SEC24B: variants seen among roughly 807,000 people sequenced by gnomAD.
SEC24B encodes the protein protein transport protein Sec24B.
A neutral mutation model predicts 142.8 loss-of-function variants in SEC24B; 45 were observed. That is an observed-to-expected ratio of 0.32 (90% confidence interval 0.25 to 0.40). SEC24B has a LOEUF of 0.40. Ranked by LOEUF, SEC24B falls within the 10% of genes least tolerant of loss-of-function variation. The pLI is 1.00. For missense variants in SEC24B, 1,409 were observed against 1,526.8 expected (o/e 0.92, Z 1.29); for synonymous variants, 574 against 568.2 (o/e 1.01, Z -0.15).
chr4:109,538,313 T>C (rs575385360), intron 22 of SEC24B, among the ~76,000 whole-genome samples, 180 bp from the exon 23 acceptor site: 41 of 152,352 alleles, frequency 2.7e-4, no homozygotes, highest in South Asian at 1.2e-3. Flanking sequence ...TTTATTGACT[T>C]ATCCAGAAAA....
At chr4:109,481,450 C>T (rs1397261363) in intron 3 of SEC24B, among the ~76,000 whole-genome samples, 1 of 152,146 alleles carries the variant, frequency 6.6e-6, no homozygotes, top group Admixed American at 6.6e-5. Flanking sequence ...ATGATAGATA[C>T]CTTTTCACAC....
chr4:109,509,474 G>A (rs1178389288), intron 7 of SEC24B, among the ~76,000 whole-genome samples: 3 of 152,036 alleles, frequency 2.0e-5, no homozygotes, highest in African/African-American at 4.8e-5. Context: ...TCAGGAGATC[G>A]AGACCATCCT....
intron 18 of SEC24B, among the ~76,000 whole-genome samples, chr4:109,528,809 C>G (rs66493839): frequency 0.1 from 15,172 of 152,232 alleles, 842 homozygotes; most frequent in Middle Eastern, 0.18. Context: ...GTTATTAATA[C>G]TAATTTGGGA....
In SEC24B at chr4:109,524,837, C is replaced by G; in HGVS notation, c.2528C>G (p.Pro843Arg). Residue 843 changes from proline to arginine, a missense_variant, in exon 15 of 24, where the codon CCT becomes CGT. Around this residue, in one of 2 missense-constraint regions of SEC24B, gnomAD observed 700 missense variants for 853.3 expected, o/e 0.82. Coordinates refer to ENST00000265175, the MANE Select transcript of SEC24B (RefSeq NM_006323.5). ...ACTTAGGTGGTACAACATCTTGGCCCTGCAACTGATTTTTATAAGAAACTT... is the reference window on the plus strand; with the variant it reads ...ACTTAGGTGGTACAACATCTTGGCCGTGCAACTGATTTTTATAAGAAACTT... ...SSTKVVQHLG[P>R]ATDFYKKLAL... The G allele has an allele frequency of 6.2e-7, 1 of 1,612,020 alleles. No individual in the cohort carries two copies. Among genetic ancestry groups the G allele is most frequent in the African/African-American group, 1.3e-5 (1 of 74,904 alleles).
In SEC24B at chr4:109,481,663, T is replaced by C; in HGVS notation, c.1061-14T>C. On this transcript the variant is annotated splice_polypyrimidine_tract_variant and intron_variant, in intron 3 of 23. Coordinates refer to ENST00000265175, the MANE Select transcript of SEC24B (RefSeq NM_006323.5). Reference sequence around the variant, plus strand: ...GTTGGTTTGACTCTTATGTTTGTGCTTTCCACTTTACAGGCGTGCAGTATG... The same window carrying C: ...GTTGGTTTGACTCTTATGTTTGTGCCTTCCACTTTACAGGCGTGCAGTATG... 1 of 1,581,978 alleles carries C rather than the reference T, an allele frequency of 6.3e-7. No homozygotes were observed.
rs909961248 is a variant in SEC24B, at chr4:109,532,067, G to C, written c.3390+545G>C. ...AGACAGAGTTTCACCATATTGGCCA[G>C]GCTGGCCTCAAACTCCTGACCTCAA... On this transcript the variant is annotated intron_variant, in intron 20 of 23. Coordinates refer to ENST00000265175, the MANE Select transcript of SEC24B (RefSeq NM_006323.5). 2.6e-5 allele frequency among the ~76,000 whole-genome samples: 4 copies of C among 151,990 alleles called. No individual in the cohort carries two copies. In the East Asian group the frequency reaches 7.8e-4, roughly 30 times the overall value.
At chr4:109,446,780 T>C (rs968948770) in intron 1 of SEC24B, among the ~76,000 whole-genome samples, 1 of 152,266 alleles carries the variant, frequency 6.6e-6, no homozygotes, top group African/African-American at 2.4e-5. Context: ...AAGTAGCATG[T>C]AGTATTCCTT....
At chr4:109,494,257 C>T (rs1387580515) in intron 5 of SEC24B, among the ~76,000 whole-genome samples, 2 of 151,884 alleles carry the variant, frequency 1.3e-5, no homozygotes, top group African/African-American at 4.8e-5. Flanking sequence ...GTGTTCAAGA[C>T]CAGCCTAGGC....
chr4:109,481,717 C>T lies in SEC24B; in HGVS notation c.1101C>T (p.Ser367=), dbSNP rs777199680. 4.3e-6 allele frequency: 7 copies of T among 1,613,648 alleles called. No homozygotes were observed. Among genetic ancestry groups the T allele is most frequent in the South Asian group, 3.3e-5 (3 of 91,048 alleles). Residue 367 remains serine, a synonymous_variant, in exon 4 of 24, where the codon TCC becomes TCT. Coordinates refer to ENST00000265175, the MANE Select transcript of SEC24B (RefSeq NM_006323.5). ...YGEYVNNQAS[S]APTPLSSTSD... is the part of the protein sequence containing the mutation. ...AATATGTTAATAACCAAGCTAGCTC[C>T]GCACCAACTCCCTTGTCATCAACTT... is the stretch of plus-strand genomic sequence containing the variant.
chr4:109,449,604 C>T, intron 1 of SEC24B: 1 of 435,154 alleles, frequency 2.3e-6, no homozygotes, highest in East Asian at 7.2e-5. Context: ...TAATGAGGGC[C>T]CTCTATCCAC....
chr4:109,445,308 A>G lies in SEC24B; in HGVS notation c.133+11306A>G, dbSNP rs576695139. Reference sequence around the variant, plus strand: ...GCCCAGACTGGAGTGCAGTGGTGCAATCTCGGCTCACTGCAAGCTCCGCCT... The same window carrying G: ...GCCCAGACTGGAGTGCAGTGGTGCAGTCTCGGCTCACTGCAAGCTCCGCCT... On this transcript the variant is annotated intron_variant, in intron 1 of 23. Coordinates refer to ENST00000265175, the MANE Select transcript of SEC24B (RefSeq NM_006323.5). 3.0e-3 allele frequency among the ~76,000 whole-genome samples: 424 copies of G among 143,574 alleles called. 3 individuals are homozygous for G. Among genetic ancestry groups the G allele is most frequent in the African/African-American group, 0.01 (382 of 37,782 alleles). 94.2% of individuals were successfully genotyped at this position (143,574 alleles called of 152,430 possible).
chr4:109,511,379 GA>G (rs1282784620), intron 8 of SEC24B, among the ~76,000 whole-genome samples: 1 of 151,850 alleles, frequency 6.6e-6, no homozygotes, highest in African/African-American at 2.4e-5. Context: ...TGTGCAGATA[GA>G]AAAAAACAGA....
chr4:109,491,545 C>A, intron 5 of SEC24B, 138 bp downstream of exon 5: 1 of 584,804 alleles, frequency 1.7e-6, no homozygotes, highest in South Asian at 2.7e-5. Context: ...TGGCACTTCT[C>A]AGCCTCAACT....
chr4:109,482,969 T>C (rs1379597917), intron 4 of SEC24B, among the ~76,000 whole-genome samples: 3,981 of 59,086 alleles, frequency 0.067, 639 homozygotes, highest in African/African-American at 0.42. Flanking sequence ...TATATATATA[T>C]ATATATATAT....
rs761254198 is a variant in SEC24B at position 109,510,078 on chromosome 4, A to G, written c.1743A>G (p.Leu581=). 4 of 1,609,514 alleles carry G rather than the reference A, an allele frequency of 2.5e-6. No individual in the cohort carries two copies. Among genetic ancestry groups the G allele is most frequent in the Admixed American group, 3.4e-5 (2 of 59,416 alleles). The change falls in exon 8 of 24, where the codon TTA becomes TTG. Residue 581 remains leucine (L), a synonymous_variant. Coordinates refer to ENST00000265175, the MANE Select transcript of SEC24B (RefSeq NM_006323.5). ...QALLNKAKLP[L]GLLLHPFRDL... Reference sequence around the variant, plus strand: ...TACTGAATAAAGCTAAGCTTCCTTTAGGATTGTTGTTACATCCCTTCAGAG... The same window carrying G: ...TACTGAATAAAGCTAAGCTTCCTTTGGGATTGTTGTTACATCCCTTCAGAG...
chr4:109,477,523 A>G (rs1026249653), intron 3 of SEC24B, among the ~76,000 whole-genome samples: 5 of 152,086 alleles, frequency 3.3e-5, no homozygotes, highest in African/African-American at 9.6e-5. Context: ...ATGAGGTCTT[A>G]CAGTGTTGCC....
At chr4:109,502,621 G>A (rs1397221437) in intron 6 of SEC24B, among the ~76,000 whole-genome samples, 3 of 152,138 alleles carry the variant, frequency 2.0e-5, no homozygotes, top group East Asian at 1.9e-4. Context: ...AGAGGTTAGC[G>A]TATTTACTAA....
At chr4:109,486,968 C>G (rs2125994123) in intron 4 of SEC24B, among the ~76,000 whole-genome samples, 1 of 152,034 alleles carries the variant, frequency 6.6e-6, no homozygotes, top group East Asian at 1.9e-4. Flanking sequence ...AGTTTGAGAC[C>G]AGCCTGGCTA....
chr4:109,477,866 A>G (rs1578847936), intron 3 of SEC24B, among the ~76,000 whole-genome samples: 1 of 152,176 alleles, frequency 6.6e-6, no homozygotes, highest in East Asian at 1.9e-4. Context: ...TTATCATGAA[A>G]AGGTTGTAAA....
Sources: gnomAD v4.1 joint callset for allele counts (sites outside exome capture counted in the v4.1 genomes callset) on GRCh38, gnomAD v4.1.1 for gene constraint, gnomAD v4.1.1 regional missense constraint, MANE v1.5 for transcripts, NCBI Gene and HGNC (gene_info 2026-07-23, HGNC 2026-07-21) for gene names.